COPS4: variants seen among roughly 807,000 people sequenced by gnomAD.
COPS4 encodes the protein COP9 signalosome complex subunit 4.
A neutral mutation model predicts 55.1 loss-of-function variants in COPS4; 8 were observed. The observed-to-expected ratio is 0.15, with a 90% CI of 0.09 to 0.26. COPS4 has a LOEUF of 0.26. Ranked by LOEUF, COPS4 falls within the 10% of genes least tolerant of loss-of-function variation. The pLI, the probability that COPS4 is intolerant of heterozygous loss-of-function variation, is 1.00. For synonymous variants in COPS4, 185 were observed against 165.7 expected (o/e 1.12, Z -0.90); for missense variants, 248 against 484.0 (o/e 0.51, Z 4.58).
chr4:83,035,975 A>T (rs188491320), intron 1 of COPS4: 2 of 152,508 alleles, frequency 1.3e-5, no homozygotes, highest in East Asian at 3.9e-4. Context: ...GTTCACTCCA[A>T]GTTAAAATGT....
chr4:83,062,184 TCTC>T (rs1731176631), intron 6 of COPS4, among the ~76,000 whole-genome samples: 1 of 152,222 alleles, frequency 6.6e-6, no homozygotes, highest in South Asian at 2.1e-4. Flanking sequence ...GAATATTAAG[TCTC>T]CTATCAGATA....
At chr4:83,065,730 A>G (rs997042355) in intron 7 of COPS4, among the ~76,000 whole-genome samples, 4 of 152,210 alleles carry the variant, frequency 2.6e-5, no homozygotes, top group African/African-American at 9.6e-5. Flanking sequence ...GGATCTGGAT[A>G]TTTCTCACAT....
In COPS4 at chr4:83,071,861, G is replaced by A. The variant is rs567178311; in HGVS notation, c.1087+3339G>A. On this transcript the variant is annotated intron_variant, in intron 9 of 9. Coordinates refer to ENST00000264389, the MANE Select transcript of COPS4 (RefSeq NM_016129.3). ...TGAATAGCTGGGACTACAGGCACAC[G>A]CCACCATACCCAGCTAATTTTTTGT... Among the ~76,000 whole-genome samples the A allele has an allele frequency of 2.4e-4, 36 of 149,030 alleles. No individual in the cohort carries two copies. In the South Asian group the frequency reaches 3.6e-3, roughly 15 times the overall value.
intron 1 of COPS4, among the ~76,000 whole-genome samples, chr4:83,039,132 A>G (rs1730497794): frequency 6.6e-6 from 1 of 152,160 alleles, no homozygotes; most frequent in South Asian, 2.1e-4. Flanking sequence ...GATTGGGCCC[A>G]GCTGTATGGT....
intron 6 of COPS4, among the ~76,000 whole-genome samples, chr4:83,060,223 G>A (rs1391664016): frequency 2.8e-5 from 4 of 142,176 alleles, no homozygotes; most frequent in African/African-American, 1.1e-4. Context: ...TCGCTCTTTC[G>A]CCCAGGCTGG....
At chr4:83,039,549 A>G (rs759862483) in intron 1 of COPS4, among the ~76,000 whole-genome samples, 5 of 152,180 alleles carry the variant, frequency 3.3e-5, no homozygotes, top group African/African-American at 4.8e-5. Context: ...GCACTCTGTC[A>G]CATTATCCTG....
chr4:83,063,163 A>T lies in COPS4; in HGVS notation c.803A>T (p.Tyr268Phe), dbSNP rs1489795123. The change falls in exon 7 of 10, where the codon TAT becomes TTT. Residue 268 changes from tyrosine to phenylalanine, a missense_variant. By Grantham distance (22) the Tyr-to-Phe change is conservative. Coordinates refer to ENST00000264389, the MANE Select transcript of COPS4 (RefSeq NM_016129.3). ...GCCTATGGGATCCTAGAGAAAATGT[A>T]TCTAGATAGGATCATCAGAGGAAAT... is the stretch of plus-strand genomic sequence containing the variant. ...LAAYGILEKM[Y>F]LDRIIRGNQL... 6.2e-7 allele frequency: 1 copy of T among 1,612,352 alleles called. No homozygotes were observed. Among genetic ancestry groups the T allele is most frequent in the Non-Finnish European group, 8.5e-7 (1 of 1,179,502 alleles).
chr4:83,071,585 C>T (rs1731433521), intron 9 of COPS4, among the ~76,000 whole-genome samples: 1 of 152,076 alleles, frequency 6.6e-6, no homozygotes, highest in Non-Finnish European at 1.5e-5. Flanking sequence ...CCGCACCTGG[C>T]TAGTTGTTTT....
rs966730198 is a variant in COPS4 at position 83,057,213 on chromosome 4, T to C, written c.565-45T>C. 3.9e-6 allele frequency: 6 copies of C among 1,551,668 alleles called. No homozygotes were observed. In the African/African-American group the frequency reaches 8.3e-5, roughly 21 times the overall value. On this transcript the variant is annotated intron_variant, in intron 5 of 9. Coordinates refer to ENST00000264389, the MANE Select transcript of COPS4 (RefSeq NM_016129.3). ...GTTTTGTTTTGTTTTGTTTAACTCTTGCTTTTTAATTTGTCCCCTAATTGA... is the reference window on the plus strand; with the variant it reads ...GTTTTGTTTTGTTTTGTTTAACTCTCGCTTTTTAATTTGTCCCCTAATTGA...
chr4:83,062,183 G>A (rs1731176507), intron 6 of COPS4, among the ~76,000 whole-genome samples: 1 of 152,068 alleles, frequency 6.6e-6, no homozygotes, highest in Non-Finnish European at 1.5e-5. Flanking sequence ...TGAATATTAA[G>A]TCTCCTATCA....
Position 83,075,516 on chromosome 4 carries a change from CCT to C in COPS4, c.*87_*88del. On this transcript the variant is annotated 3_prime_UTR_variant, in exon 10 of 10. Transcript: ENST00000264389. ...TATCTCCAAAGCATTTGCATCATGACCTTATACATTTCAATCCCTTTTATGCT... is the reference window on the plus strand; with the variant it reads ...TATCTCCAAAGCATTTGCATCATGACTATACATTTCAATCCCTTTTATGCT... The C allele has an allele frequency of 6.9e-7, 1 of 1,456,192 alleles. No homozygotes were observed. The highest frequency in any genetic ancestry group is 1.4e-5 in the African/African-American group (1 of 71,054). 90.2% of individuals were successfully genotyped at this position (1,456,192 alleles called of 1,614,324 possible). A position where few individuals can be genotyped will look rare whatever the true frequency, so the allele number is the denominator to read the frequency against.
intron 6 of COPS4, among the ~76,000 whole-genome samples, chr4:83,059,958 T>G (rs1002094146): frequency 2.6e-5 from 4 of 151,898 alleles, no homozygotes; most frequent in African/African-American, 7.3e-5. Flanking sequence ...TCCTCCGCCT[T>G]CCAAAGTGCT....
In COPS4 at chr4:83,061,669, C is replaced by T. The variant is rs1731166851; in HGVS notation, c.716-1407C>T. Among the ~76,000 whole-genome samples, 3 of 149,830 alleles carry T rather than the reference C, an allele frequency of 2.0e-5. No individual in the cohort carries two copies. The South Asian group carries it at 6.3e-4, about 31-fold the overall frequency. ...ATGACAATCAGTTACAATTGTTACT[C>T]TTTTTGATGTTTAAATTGTTCCAAT... On this transcript the variant is annotated intron_variant, in intron 6 of 9. Transcript: ENST00000264389.
At position 83,045,682 on chromosome 4, in the gene COPS4, C is replaced by T; in HGVS notation, c.131C>T (p.Ala44Val). 6.2e-7 allele frequency: 1 copy of T among 1,612,498 alleles called. No homozygotes were observed. Among genetic ancestry groups the T allele is most frequent in the African/African-American group, 1.3e-5 (1 of 74,990 alleles). ...TTATCTGGAGCAGAACAACTAGAAG[C>T]TTTGAAAGCTTTTGTGGAAGCAAGT... ...IQLSGAEQLE[A>V]LKAFVEAMVN... Residue 44 changes from alanine (A) to valine (V), a missense_variant, in exon 2 of 10, where the codon GCT (alanine) becomes GTT (valine). Around this residue, in one of 4 missense-constraint regions of COPS4, gnomAD observed 55 missense variants for 62.8 expected, o/e 0.88. Coordinates refer to ENST00000264389, the MANE Select transcript of COPS4 (RefSeq NM_016129.3).
At chr4:83,055,420 C>G (rs937693255) in intron 4 of COPS4, among the ~76,000 whole-genome samples, 3 of 149,942 alleles carry the variant, frequency 2.0e-5, no homozygotes, top group African/African-American at 7.4e-5. Flanking sequence ...TACGTGGTGA[C>G]TAGATTATAA....
At chr4:83,060,058 T>C (rs1731122478) in intron 6 of COPS4, among the ~76,000 whole-genome samples, 1 of 152,174 alleles carries the variant, frequency 6.6e-6, no homozygotes, top group African/African-American at 2.4e-5. Flanking sequence ...TAGGTTGTTT[T>C]AGTTAAAGTA....
At chr4:83,058,975 G>C (rs1263695117) in intron 6 of COPS4, among the ~76,000 whole-genome samples, 2 of 152,062 alleles carry the variant, frequency 1.3e-5, no homozygotes, top group African/African-American at 2.4e-5. Flanking sequence ...TATCTTTTCT[G>C]ATCTGGTAGA....
intron 6 of COPS4, among the ~76,000 whole-genome samples, chr4:83,058,840 T>C (rs1731079792): frequency 6.6e-6 from 1 of 152,232 alleles, no homozygotes; most frequent in African/African-American, 2.4e-5. Flanking sequence ...AGGTTAACTT[T>C]CTGGATCCAA....
chr4:83,059,013 A>G (rs1486638166), intron 6 of COPS4, among the ~76,000 whole-genome samples: 1 of 152,150 alleles, frequency 6.6e-6, no homozygotes, highest in Non-Finnish European at 1.5e-5. Flanking sequence ...CTTTAGTTTT[A>G]ATTTGTATTG....
Sources: gnomAD v4.1 joint callset for allele counts (sites outside exome capture counted in the v4.1 genomes callset) on GRCh38, gnomAD v4.1.1 for gene constraint, gnomAD v4.1.1 regional missense constraint, MANE v1.5 for transcripts, NCBI Gene and HGNC (gene_info 2026-07-23, HGNC 2026-07-21) for gene names.